The following H2BC5 variants were observed in gnomAD, a reference collection of about 807,000 sequenced individuals.
H2BC5 encodes H2B clustered histone 5.
A neutral mutation model predicts 5.7 loss-of-function variants in H2BC5; 9 were observed. The observed-to-expected ratio is 1.57, with a 90% CI of 0.95 to 2.74. The LOEUF (loss-of-function observed/expected upper bound fraction) is 2.74, where lower values mean the gene tolerates loss of function less well. Among genes scored for constraint, H2BC5 ranks in the 30% most tolerant of loss-of-function variants. The probability of loss-of-function intolerance (pLI) is 0.00; values close to 1 mark genes in which losing one functional copy is unlikely to be tolerated. For missense variants in H2BC5, 175 were observed against 168.8 expected (o/e 1.04, Z -0.20); for synonymous variants, 133 against 70.9 (o/e 1.88, Z -4.40).
intron 1 of H2BC5, chr6:26,164,080 G>A (rs556530961): frequency 1.3e-5 from 6 of 458,928 alleles, no homozygotes; most frequent in Admixed American, 4.6e-5. Flanking sequence ...GACCCCAACT[G>A]CAAAAATACC....
At chr6:26,168,374 C>T (rs1764467108) in intron 1 of H2BC5, among the ~76,000 whole-genome samples, 1 of 151,898 alleles carries the variant, frequency 6.6e-6, no homozygotes, top group Non-Finnish European at 1.5e-5. Context: ...AGGAGAATCG[C>T]TTGAACCCGG....
intron 1 of H2BC5, among the ~76,000 whole-genome samples, chr6:26,167,119 T>C (rs1764445679): frequency 7.7e-6 from 1 of 129,846 alleles, no homozygotes; most frequent in Non-Finnish European, 1.6e-5. Flanking sequence ...ACATATTCAA[T>C]TTCTGAAGAC....
chr6:26,169,818 G>A (rs1764490881), intron 1 of H2BC5, among the ~76,000 whole-genome samples: 1 of 151,780 alleles, frequency 6.6e-6, no homozygotes. Context: ...AATTAGCCAG[G>A]CATGGTGGCA....
At chr6:26,166,550 C>A (rs1581435754) in intron 1 of H2BC5, among the ~76,000 whole-genome samples, 1 of 152,110 alleles carries the variant, frequency 6.6e-6, no homozygotes. Flanking sequence ...CTGTTCTTAT[C>A]TGGGGTTTAC....
intron 1 of H2BC5, among the ~76,000 whole-genome samples, chr6:26,168,517 T>TA (rs1764470755): frequency 6.6e-6 from 1 of 151,826 alleles, no homozygotes; most frequent in South Asian, 2.1e-4. Flanking sequence ...CAAAAAAATG[T>TA]AAAAAATTTA....
downstream of H2BC5, among the ~76,000 whole-genome samples, chr6:26,162,446 A>G (rs1471968535): frequency 6.6e-6 from 1 of 152,202 alleles, no homozygotes; most frequent in Non-Finnish European, 1.5e-5. Context: ...CATAGAAATG[A>G]CTTCGGTGGT....
At position 26,158,408 on chromosome 6, in the gene H2BC5, G is replaced by T. The variant is rs1287594451; in HGVS notation, c.239G>T (p.Arg80Leu). 3.7e-6 allele frequency: 6 copies of T among 1,614,262 alleles called. No homozygotes were observed. The highest frequency in any genetic ancestry group is 5.1e-6 in the Non-Finnish European group (6 of 1,180,046). Residue 80 changes from arginine to leucine, a missense_variant, in exon 1 of 1, where the codon CGC becomes CTC. This residue lies in a region of H2BC5 where 43 missense variants were observed against 37.7 expected (regional missense o/e 1.14). Transcript: ENST00000377777. ...IFERIAGEAS[R>L]LAHYNKRSTI... is the part of the protein sequence containing the mutation. ...GAGCGCATCGCAGGCGAGGCTTCCC[G>T]CCTGGCGCATTACAACAAGCGCTCG...
At chr6:26,163,261 G>A (rs1764376458), downstream of H2BC5, 1 of 152,038 alleles carries the variant, frequency 6.6e-6, no homozygotes. Context: ...TTACAGGCAT[G>A]AGGCACCGCA....
At chr6:26,158,975 C>T (rs919759817), downstream of H2BC5, among the ~76,000 whole-genome samples, 3 of 152,174 alleles carry the variant, frequency 2.0e-5, no homozygotes, top group Non-Finnish European at 4.4e-5. Flanking sequence ...CACCACCACC[C>T]CCGCCCATTT....
rs772202786 is a variant in H2BC5, at chr6:26,158,151, TCTAA to T, written c.-15_-12del. The T allele has an allele frequency of 1.5e-5, 24 of 1,607,650 alleles. No individual in the cohort carries two copies. The highest frequency in any genetic ancestry group is 4.5e-5 in the East Asian group (2 of 44,858). On this transcript the variant is annotated 5_prime_UTR_variant, in exon 1 of 1. Coordinates refer to ENST00000377777, the MANE Select transcript of H2BC5 (RefSeq NM_021063.4). ...TTTTCTCAGGTGTTTGCAACAGTGT[TCTAA>T]CTATTAACGCTACGATGCCTGAACC...
intron 1 of H2BC5, among the ~76,000 whole-genome samples, chr6:26,164,730 T>C (rs1764395469): frequency 6.6e-6 from 1 of 151,956 alleles, no homozygotes; most frequent in South Asian, 2.1e-4. Context: ...TCCAGCCAAC[T>C]ATGCAGCCCA....
rs764867142 is a variant in H2BC5, at chr6:26,158,594, T to C, written c.*44T>C. ...TTTACACCTAATCCCAAAGGCTCTT[T>C]TAAGAGCCACGCATGTTTTCAATAA... On this transcript the variant is annotated 3_prime_UTR_variant, in exon 1 of 1. Transcript: ENST00000377777. 1.3e-6 allele frequency: 2 copies of C among 1,598,430 alleles called. No individual in the cohort carries two copies. The highest frequency in any genetic ancestry group is 1.8e-5 in the Admixed American group (1 of 55,706).
At chr6:26,160,813 G>A (rs1483417994), downstream of H2BC5, 1 of 150,472 alleles carries the variant, frequency 6.6e-6, no homozygotes, top group African/African-American at 2.5e-5. Context: ...AGTTTGCAGT[G>A]AGCCAAGATC....
Position 26,158,595 on chromosome 6 carries a change from T to C in H2BC5, c.*45T>C. 6.3e-7 allele frequency: 1 copy of C among 1,599,066 alleles called. No homozygotes were observed. The highest frequency in any genetic ancestry group is 1.3e-5 in the African/African-American group (1 of 74,180). On this transcript the variant is annotated 3_prime_UTR_variant, in exon 1 of 1. Transcript: ENST00000377777. ...TTACACCTAATCCCAAAGGCTCTTTTAAGAGCCACGCATGTTTTCAATAAA... is the reference window on the plus strand; with the variant it reads ...TTACACCTAATCCCAAAGGCTCTTTCAAGAGCCACGCATGTTTTCAATAAA...
At position 26,158,147 on chromosome 6, in the gene H2BC5, G is replaced by A. The variant is rs1305377469; in HGVS notation, c.-23G>A. Reference sequence around the variant, plus strand: ...ATTATTTTCTCAGGTGTTTGCAACAGTGTTCTAACTATTAACGCTACGATG... The same window carrying A: ...ATTATTTTCTCAGGTGTTTGCAACAATGTTCTAACTATTAACGCTACGATG... On this transcript the variant is annotated 5_prime_UTR_variant, in exon 1 of 1. The change creates a new upstream start codon in the 5' untranslated region. Transcript: ENST00000377777. 17 of 1,603,178 alleles carry A rather than the reference G, an allele frequency of 1.1e-5. No individual in the cohort carries two copies. Among genetic ancestry groups the A allele is most frequent in the Non-Finnish European group, 1.4e-5 (16 of 1,175,766 alleles).
chr6:26,167,999 G>C (rs1764459608), intron 1 of H2BC5, among the ~76,000 whole-genome samples: 1 of 151,790 alleles, frequency 6.6e-6, no homozygotes, highest in African/African-American at 2.4e-5. Flanking sequence ...CAAAAAAAAA[G>C]CAACGTCAAA....
At position 26,158,571 on chromosome 6, in the gene H2BC5, T is replaced by C. The variant is rs770107475; in HGVS notation, c.*21T>C. On this transcript the variant is annotated 3_prime_UTR_variant, in exon 1 of 1. Coordinates refer to ENST00000377777, the MANE Select transcript of H2BC5 (RefSeq NM_021063.4). The stretch of plus-strand genomic sequence containing the variant: ...AGTAACTTTGCCAAGTAAGCATCTT[T>C]ACACCTAATCCCAAAGGCTCTTTTA... 3.7e-6 allele frequency: 6 copies of C among 1,612,438 alleles called. No homozygotes were observed. Among genetic ancestry groups the C allele is most frequent in the Admixed American group, 3.4e-5 (2 of 59,524 alleles).
downstream of H2BC5, among the ~76,000 whole-genome samples, chr6:26,159,217 T>G (rs1205101806): frequency 6.6e-6 from 1 of 151,800 alleles, no homozygotes; most frequent in Non-Finnish European, 1.5e-5. Flanking sequence ...TAAACCGTCT[T>G]TTTCTGAAAG....
chr6:26,164,075 C>A, intron 1 of H2BC5: 1 of 456,754 alleles, frequency 2.2e-6, no homozygotes, highest in Non-Finnish European at 4.5e-6. Flanking sequence ...ACATTGACCC[C>A]AACTGCAAAA....
Sources: allele counts gnomAD v4.1 joint callset (sites outside exome capture counted in the v4.1 genomes callset), GRCh38; gene constraint gnomAD v4.1.1; regional missense constraint gnomAD v4.1.1; transcripts MANE v1.5; gene names NCBI Gene and HGNC (gene_info 2026-07-23, HGNC 2026-07-21).